The following C4orf50 variants were observed in gnomAD, a reference collection of about 807,000 sequenced individuals.
C4orf50 encodes the protein chromosome 4 open reading frame 50.
A neutral mutation model predicts 77.2 loss-of-function variants in C4orf50; 80 were observed. The ratio of observed to expected loss-of-function variants is 1.04; its 90% CI spans 0.87 to 1.25. C4orf50 has a LOEUF of 1.25. C4orf50 is among the 50% of genes most tolerant of loss of function. The pLI, the probability that C4orf50 is intolerant of heterozygous loss-of-function variation, is 0.00. For missense variants in C4orf50, 1,257 were observed against 1,152.9 expected (o/e 1.09, Z -1.31); for synonymous variants, 532 against 465.3 (o/e 1.14, Z -1.84).
intron 27 of C4orf50, 63 bp from the exon 6 acceptor site, chr4:5,990,887 T>C: frequency 2.5e-6 from 1 of 398,606 alleles, no homozygotes. Context: ...CACCCCCACC[T>C]CCACTCACCT....
chr4:5,904,889 G>T (rs1391893312), intron 7 of C4orf50: 4 of 152,058 alleles, frequency 2.6e-5, no homozygotes, highest in African/African-American at 9.7e-5. Context: ...TGGAAGCTAC[G>T]CAGAATGGTA....
chr4:5,898,170 A>G (rs183256460), exon 8 of C4orf50: 1 of 152,328 alleles, frequency 6.6e-6, no homozygotes, highest in African/African-American at 2.4e-5. Flanking sequence ...GAGTCCACAG[A>G]GGTTCTACCA....
rs549013896 is a variant in C4orf50, at chr4:5,948,563, G to A, written c.*2474+8338C>T. ...TGTAATCCCAGCACTTTGGGAGGCC[G>A]AGGCAGGCGGATCACGAGGTCAGCA... is the stretch of plus-strand genomic sequence containing the variant. On this transcript the variant is annotated intron_variant, in intron 7 of 7. Coordinates refer to the C4orf50 transcript ENST00000324058. Among the ~76,000 whole-genome samples, 445 of 152,278 alleles carry A rather than the reference G, an allele frequency of 2.9e-3. 2 individuals carry two copies. Among genetic ancestry groups the A allele is most frequent in the African/African-American group, 9.7e-3 (402 of 41,548 alleles).
rs1722378438 is a variant in C4orf50, at chr4:6,009,068, G to A, written c.427-536C>T. The stretch of plus-strand genomic sequence containing the variant: ...ACTGTGGATACTCCACCTGGAGGGA[G>A]GTACGTTACTAGCCTGAGAGACACT... On this transcript the variant is annotated intron_variant, in intron 24 of 33. Transcript: ENST00000531445. The surrounding 1 kb of genome is among the most constrained non-coding windows in gnomAD (Gnocchi z 5.6). Among the ~76,000 whole-genome samples the A allele has an allele frequency of 6.6e-6, 1 of 152,170 alleles. No individual in the cohort carries two copies. Among genetic ancestry groups the A allele is most frequent in the Admixed American group, 6.5e-5 (1 of 15,282 alleles).
At chr4:5,980,210 G>C (rs760816300) in exon 29 of C4orf50, 2 of 1,606,282 alleles carry the variant, frequency 1.2e-6, no homozygotes, top group African/African-American at 1.3e-5. Context: ...GGGTGGCCTC[G>C]TCCAGAGACG....
Position 6,008,203 on chromosome 4 carries a change from G to GC in C4orf50, c.755dup (p.Glu253ArgfsTer78). 2.5e-6 allele frequency: 1 copy of GC among 397,636 alleles called. No individual in the cohort carries two copies. The allele number at this position is 397,636 out of a possible 1,614,324, so 24.6% of individuals were successfully genotyped here. On this transcript the variant is annotated frameshift_variant, in exon 25 of 34. Coordinates refer to ENST00000531445, the Ensembl canonical transcript of C4orf50. LOFTEE classifies it high-confidence loss of function. This position sits in a 1 kb window ranked among gnomAD's most constrained non-coding sequence, Gnocchi z 6.0. ...GGCTGCGCGCCGCCTCTTCCCGCTC[G>GC]CGCTCGCTGCGCTCTGCCCTCGCCT...
intron 31 of C4orf50, among the ~76,000 whole-genome samples, chr4:5,969,153 G>C (rs1719755885): frequency 6.6e-6 from 1 of 152,140 alleles, no homozygotes; most frequent in Non-Finnish European, 1.5e-5. Context: ...GTGATACCGA[G>C]TAGGGGACAG....
At chr4:5,980,591 T>C (rs1321518747) in intron 28 of C4orf50, among the ~76,000 whole-genome samples, 1 of 152,092 alleles carries the variant, frequency 6.6e-6, no homozygotes, top group East Asian at 1.9e-4. Flanking sequence ...GACACGTGCA[T>C]GTATAGGAGT....
At position 5,944,075 on chromosome 4, in the gene C4orf50, A is replaced by G. The variant is rs1163789333; in HGVS notation, c.*2474+12826T>C. ...GTCTCTCTTGCCACATGTCTCTGACATACAGAGACAAATAGACACACAAAG... is the reference window on the plus strand; with the variant it reads ...GTCTCTCTTGCCACATGTCTCTGACGTACAGAGACAAATAGACACACAAAG... On this transcript the variant is annotated intron_variant, in intron 7 of 7. Transcript: ENST00000324058. 3.3e-5 allele frequency among the ~76,000 whole-genome samples: 5 copies of G among 152,224 alleles called. No individual in the cohort carries two copies. The East Asian group carries it at 9.6e-4, about 29-fold the overall frequency.
chr4:5,971,707 A>G (rs946555233), intron 31 of C4orf50, among the ~76,000 whole-genome samples: 2 of 152,208 alleles, frequency 1.3e-5, no homozygotes, highest in Non-Finnish European at 2.9e-5. Context: ...ATACGCTGAC[A>G]ATTTTTCATC....
chr4:5,973,258 G>C (rs1437026426), intron 31 of C4orf50, among the ~76,000 whole-genome samples: 1 of 152,192 alleles, frequency 6.6e-6, no homozygotes, highest in Non-Finnish European at 1.5e-5. Flanking sequence ...GCCTGGGCAA[G>C]GTCACACCTC....
At chr4:5,948,043 T>A (rs1459190370) in intron 7 of C4orf50, among the ~76,000 whole-genome samples, 5 of 152,124 alleles carry the variant, frequency 3.3e-5, no homozygotes, top group Non-Finnish European at 7.4e-5. Flanking sequence ...TTGGGATGAA[T>A]CCACCAATGA....
intron 7 of C4orf50, among the ~76,000 whole-genome samples, chr4:5,915,853 C>G (rs1238524942): frequency 6.6e-6 from 1 of 152,216 alleles, no homozygotes; most frequent in African/African-American, 2.4e-5. Flanking sequence ...AAGCTCAATC[C>G]AGGTTACTTC....
At chr4:5,972,180 T>A (rs1440408276) in intron 31 of C4orf50, among the ~76,000 whole-genome samples, 1 of 152,034 alleles carries the variant, frequency 6.6e-6, no homozygotes, top group Non-Finnish European at 1.5e-5. Flanking sequence ...AATTTTTGTA[T>A]TTTTAGTAGA....
chr4:5,985,896 G>A (rs1412099284), intron 28 of C4orf50, among the ~76,000 whole-genome samples: 1 of 152,188 alleles, frequency 6.6e-6, no homozygotes, highest in African/African-American at 2.4e-5. Context: ...TTGAACCCAG[G>A]AGGCAAAGGT....
chr4:5,921,555 A>C (rs1001880867), intron 7 of C4orf50, among the ~76,000 whole-genome samples: 2 of 152,170 alleles, frequency 1.3e-5, no homozygotes, highest in Non-Finnish European at 2.9e-5. Flanking sequence ...ATCAAAAAGC[A>C]GGAGGGCTTC....
chr4:5,906,111 G>C (rs907963862), intron 7 of C4orf50, among the ~76,000 whole-genome samples: 4 of 152,124 alleles, frequency 2.6e-5, no homozygotes, highest in African/African-American at 9.7e-5. Context: ...AAGCCCTGGA[G>C]AGAGAGGGAG....
At chr4:5,995,776 T>A (rs1329202722) in intron 25 of C4orf50, among the ~76,000 whole-genome samples, 1 of 152,226 alleles carries the variant, frequency 6.6e-6, no homozygotes, top group Admixed American at 6.5e-5. Context: ...GAAAAGTAGA[T>A]GTTTTAGATT....
At chr4:5,946,843 C>T (rs1402803914) in intron 7 of C4orf50, among the ~76,000 whole-genome samples, 1 of 152,154 alleles carries the variant, frequency 6.6e-6, no homozygotes, top group South Asian at 2.1e-4. Context: ...CGATGAGCAC[C>T]CTTTCTGCAG....
Sources: gnomAD v4.1 joint callset for allele counts (sites outside exome capture counted in the v4.1 genomes callset) on GRCh38, gnomAD v4.1.1 for gene constraint, Gnocchi (gnomAD v3.1) non-coding constraint, MANE v1.5 for transcripts, NCBI Gene and HGNC (gene_info 2026-07-23, HGNC 2026-07-21) for gene names.